Variants in DNAH8 observed in about 807,000 individuals in gnomAD.
DNAH8 encodes dynein axonemal heavy chain 8, also known as axonemal beta dynein heavy chain 8.
A neutral mutation model predicts 562.1 loss-of-function variants in DNAH8; 382 were observed. The observed-to-expected ratio is 0.68, with a 90% CI of 0.63 to 0.74. DNAH8 has a LOEUF of 0.74. Among genes scored for constraint, DNAH8 ranks in the 30% least tolerant of loss-of-function variants. DNAH8 has a pLI of 0.00. For missense variants in DNAH8, 5,203 were observed against 5,620.4 expected, an observed-to-expected ratio of 0.93 and a Z score of 2.37; for synonymous variants, 1,881 against 1,919.4, an observed-to-expected ratio of 0.98 and a Z score of 0.52.
chr6:38,777,814 C>T (rs1768215505), intron 13 of DNAH8, among the ~76,000 whole-genome samples: 1 of 152,144 alleles, frequency 6.6e-6, no homozygotes, highest in African/African-American at 2.4e-5. Context: ...GCAGCAATGT[C>T]AGAAAATGAC....
In DNAH8 at chr6:38,911,574, C is replaced by T. The variant is rs372500551; in HGVS notation, c.9847C>T (p.Arg3283Cys). ...KVKFINEQAE[R>C]MNIGLDKLME... ...GAAGTTCATTAATGAACAGGCTGAA[C>T]GTATGAATATTGGTAAGAGGAATGG... Residue 3283 changes from arginine to cysteine, a missense_variant, in exon 66 of 93, where the codon CGT (arginine) becomes TGT (cysteine). Physicochemically the swap from Arg to Cys is radical, Grantham distance 180. Transcript: ENST00000327475. The T allele has an allele frequency of 2.7e-5, 43 of 1,594,730 alleles. No homozygotes were observed. Among genetic ancestry groups the T allele is most frequent in the Non-Finnish European group, 2.9e-5 (34 of 1,162,984 alleles).
intron 87 of DNAH8, among the ~76,000 whole-genome samples, chr6:38,988,681 T>G (rs1764576842): frequency 6.6e-6 from 1 of 152,134 alleles, no homozygotes. Flanking sequence ...CACCCTATAT[T>G]CCATTATTCC....
At chr6:38,757,445 C>T (rs1202776283) in intron 10 of DNAH8, among the ~76,000 whole-genome samples, 5 of 151,648 alleles carry the variant, frequency 3.3e-5, no homozygotes, top group Admixed American at 2.0e-4. Flanking sequence ...GAGTAGATTG[C>T]AAAAATTTTC....
Position 38,938,684 on chromosome 6 carries a change from C to A in DNAH8, c.11817-114C>A, listed in dbSNP as rs554964804. ...GTGATGAATTAATCTGTGCAACAAA[C>A]CACCATGACATAGGTTTACCGACGT... On this transcript the variant is annotated intron_variant, in intron 78 of 92. Coordinates refer to ENST00000327475, the MANE Select transcript of DNAH8 (RefSeq NM_001206927.2). 50 of 700,252 alleles carry A rather than the reference C, an allele frequency of 7.1e-5. No individual in the cohort carries two copies. In the African/African-American group the frequency reaches 7.7e-4, roughly 11 times the overall value. 43.4% of individuals were successfully genotyped at this position (700,252 alleles called of 1,614,324 possible). A position where few individuals can be genotyped will look rare whatever the true frequency, so the allele number is the denominator to read the frequency against.
At chr6:38,953,284 G>A (rs750321420) in intron 82 of DNAH8, among the ~76,000 whole-genome samples, 4 of 152,204 alleles carry the variant, frequency 2.6e-5, no homozygotes, top group Non-Finnish European at 5.9e-5. Context: ...TACAGAGCTG[G>A]AATGGGGGAC....
intron 85 of DNAH8, among the ~76,000 whole-genome samples, chr6:38,977,639 C>T (rs949146565): frequency 5.3e-5 from 8 of 152,106 alleles, no homozygotes; most frequent in African/African-American, 1.9e-4. Flanking sequence ...CCACATTCAC[C>T]CTTTGGGATT....
chr6:38,912,421 C>T (rs974136437), intron 66 of DNAH8, among the ~76,000 whole-genome samples: 1 of 152,126 alleles, frequency 6.6e-6, no homozygotes, highest in Non-Finnish European at 1.5e-5. Flanking sequence ...ACTGAGATTG[C>T]ACCACTACAC....
In DNAH8 at chr6:38,830,753, A is replaced by C. The variant is rs184695792; in HGVS notation, c.4189-1569A>C. On this transcript the variant is annotated intron_variant, in intron 30 of 92. Coordinates refer to ENST00000327475, the MANE Select transcript of DNAH8 (RefSeq NM_001206927.2). Reference sequence around the variant, plus strand: ...GGCTTTAACATTTCTTATTTATGGAAATATTTGTCACTTATACTGAAGCAA... The same window carrying C: ...GGCTTTAACATTTCTTATTTATGGACATATTTGTCACTTATACTGAAGCAA... Among the ~76,000 whole-genome samples the C allele has an allele frequency of 3.5e-4, 54 of 152,274 alleles. 2 individuals carry two copies. In the East Asian group the frequency reaches 0.01, roughly 28 times the overall value.
chr6:38,938,712 A>C (rs1783182055), intron 78 of DNAH8, 86 bp from the exon 79 acceptor site: 1 of 907,386 alleles, frequency 1.1e-6, no homozygotes. Flanking sequence ...ACCGACGTAC[A>C]AACCTTCATG....
At chr6:38,897,818 A>T (rs955949047) in intron 60 of DNAH8, among the ~76,000 whole-genome samples, 2 of 152,148 alleles carry the variant, frequency 1.3e-5, no homozygotes, top group African/African-American at 4.8e-5. Flanking sequence ...CAGATCAAAG[A>T]ATTAGATGGG....
At chr6:38,845,944 A>G (rs1583169000) in intron 36 of DNAH8, among the ~76,000 whole-genome samples, 171 bp downstream of exon 36, 1 of 151,738 alleles carries the variant, frequency 6.6e-6, no homozygotes, top group Non-Finnish European at 1.5e-5. Context: ...CATGGCCTCC[A>G]TCTCTTCTTT....
At chr6:38,724,766 G>A (rs1221439024) in intron 3 of DNAH8, among the ~76,000 whole-genome samples, 1 of 152,108 alleles carries the variant, frequency 6.6e-6, no homozygotes, top group Admixed American at 6.5e-5. Context: ...TAGGTTCTTG[G>A]GCTTTTTCTG....
Position 39,030,342 on chromosome 6 carries a change from C to T in DNAH8, c.14074C>T (p.Pro4692Ser). 1 of 1,614,150 alleles carries T rather than the reference C, an allele frequency of 6.2e-7. No homozygotes were observed. The highest frequency in any genetic ancestry group is 8.5e-7 in the Non-Finnish European group (1 of 1,180,018). The change falls in exon 93 of 93, where the codon CCG (proline) becomes TCG (serine). Residue 4692 changes from proline (P) to serine (S), a missense_variant. Physicochemically the swap from Pro to Ser is moderately conservative, Grantham distance 74 (BLOSUM62 -1). Coordinates refer to ENST00000327475, the MANE Select transcript of DNAH8 (RefSeq NM_001206927.2). ...TVVYLRTVLS[P>S]DHWILRGVAL... ...GGTATATTTACGAACAGTGTTGTCC[C>T]CGGATCACTGGATCCTGAGAGGAGT... is the stretch of plus-strand genomic sequence containing the variant.
In DNAH8 at chr6:38,924,063, C is replaced by T; in HGVS notation, c.10863C>T (p.Asn3621=). ...GTCCTTTCAATCAGATATTTAGGAA[C>T]TATTTGCTTAAAGATCAATGGGAAA... ...YLGPFNQIFR[N]YLLKDQWEME... The change falls in exon 73 of 93, where the codon AAC becomes AAT. Residue 3621 remains asparagine (N), a synonymous_variant. Transcript: ENST00000327475. The T allele has an allele frequency of 6.2e-7, 1 of 1,613,916 alleles. No homozygotes were observed. Among genetic ancestry groups the T allele is most frequent in the Non-Finnish European group, 8.5e-7 (1 of 1,179,842 alleles).
Position 38,857,748 on chromosome 6 carries a change from G to C in DNAH8, c.5958+6G>C. The C allele has an allele frequency of 6.3e-7, 1 of 1,576,006 alleles. No individual in the cohort carries two copies. The highest frequency in any genetic ancestry group is 8.7e-7 in the Non-Finnish European group (1 of 1,152,826). ...GAGATATTTTTGATGACTTGGTAAGGTATCTTTTTTTTTAATTTAGTGTAC... is the reference window on the plus strand; with the variant it reads ...GAGATATTTTTGATGACTTGGTAAGCTATCTTTTTTTTTAATTTAGTGTAC... On this transcript the variant is annotated splice_donor_region_variant and intron_variant, in intron 42 of 92. Transcript: ENST00000327475.
At chr6:38,967,527 C>T (rs1264269722) in intron 82 of DNAH8, among the ~76,000 whole-genome samples, 1 of 151,996 alleles carries the variant, frequency 6.6e-6, no homozygotes, top group East Asian at 1.9e-4. Context: ...CATTACAATT[C>T]CTTTACAATA....
chr6:38,723,615 C>G (rs9357279), intron 3 of DNAH8, 144 bp downstream of exon 3: 1 of 1,031,040 alleles, frequency 9.7e-7, no homozygotes, highest in Non-Finnish European at 1.4e-6. Flanking sequence ...TGGCTCATGC[C>G]TGTAATCCCA....
rs1209612162 is a variant in DNAH8, at chr6:38,845,644, C to T, written c.4916C>T (p.Thr1639Ile). The T allele has an allele frequency of 1.9e-6, 3 of 1,613,832 alleles. No individual in the cohort carries two copies. Among genetic ancestry groups the T allele is most frequent in the Non-Finnish European group, 2.5e-6 (3 of 1,179,840 alleles). The change falls in exon 36 of 93, where the codon ACC becomes ATC. Residue 1639 changes from threonine (T) to isoleucine (I), a missense_variant. Around this residue, in one of 6 missense-constraint regions of DNAH8, gnomAD observed 2,176 missense variants for 2,365.1 expected, o/e 0.92. Transcript: ENST00000327475. ...CTGACTCAGGTGATTGAGAATTGGACCAACCAAAATCTGAGTTTTGCAGCA... is the reference window on the plus strand; with the variant it reads ...CTGACTCAGGTGATTGAGAATTGGATCAACCAAAATCTGAGTTTTGCAGCA... ...AKLTQVIENW[T>I]NQNLSFAAFK... is the part of the protein sequence containing the mutation.
chr6:38,891,982 C>T (rs375980060), intron 58 of DNAH8, among the ~76,000 whole-genome samples: 19 of 152,256 alleles, frequency 1.2e-4, no homozygotes, highest in African/African-American at 4.6e-4. Context: ...TCTTACTTGA[C>T]TTTTTAGCAG....
Sources: gnomAD v4.1 joint callset for allele counts (sites outside exome capture counted in the v4.1 genomes callset) on GRCh38, gnomAD v4.1.1 for gene constraint, gnomAD v4.1.1 regional missense constraint, MANE v1.5 for transcripts, NCBI Gene and HGNC (gene_info 2026-07-23, HGNC 2026-07-21) for gene names.